The following RUNX2 variants were observed in gnomAD, a reference collection of about 807,000 sequenced individuals.
The protein encoded by RUNX2 is runt-related transcription factor 2.
Under a neutral mutation model 51.7 loss-of-function variants are expected in RUNX2, and 10 were observed. That is an observed-to-expected ratio of 0.19 (90% CI 0.12 to 0.33). RUNX2 has a LOEUF of 0.33. RUNX2 is among the 10% of genes least tolerant of loss of function. The pLI is 1.00. For missense variants in RUNX2, 562 were observed against 691.3 expected, an observed-to-expected ratio of 0.81 and a Z score of 2.10; for synonymous variants, 276 against 273.6, an observed-to-expected ratio of 1.01 and a Z score of -0.09.
chr6:45,422,833 G>C lies in RUNX2; in HGVS notation c.299G>C (p.Arg100Pro). The C allele has an allele frequency of 6.2e-7, 1 of 1,608,042 alleles. No individual in the cohort carries two copies. The highest frequency in any genetic ancestry group is 8.5e-7 in the Non-Finnish European group (1 of 1,178,464). ...VPRLRPPHDN[R>P]TMVEIIADHP... The stretch of plus-strand genomic sequence containing the variant: ...CGGTTGCGGCCGCCCCACGACAACC[G>C]CACCATGGTGGAGATCATCGCCGAC... Residue 100 changes from arginine (R) to proline (P), a missense_variant, in exon 3 of 9, where the codon CGC becomes CCC. Transcript: ENST00000647337.
chr6:45,433,413 G>A (rs1798597601), intron 4 of RUNX2, among the ~76,000 whole-genome samples: 3 of 151,610 alleles, frequency 2.0e-5, no homozygotes, highest in Admixed American at 1.3e-4. Flanking sequence ...TTTTTTTCTA[G>A]TTAGAATCAA....
chr6:45,387,779 T>G (rs1362380667), intron 2 of RUNX2, among the ~76,000 whole-genome samples: 1 of 152,158 alleles, frequency 6.6e-6, no homozygotes, highest in Admixed American at 6.5e-5. Flanking sequence ...CTTAGTGGTG[T>G]CACAGAAACC....
intron 2 of RUNX2, among the ~76,000 whole-genome samples, chr6:45,417,139 T>C (rs1351067708): frequency 6.6e-6 from 1 of 152,260 alleles, no homozygotes; most frequent in Non-Finnish European, 1.5e-5. Context: ...CTGAAAACTG[T>C]ATATAGGTCT....
At chr6:45,346,278 T>G (rs1367573271) in intron 2 of RUNX2, among the ~76,000 whole-genome samples, 4 of 152,022 alleles carry the variant, frequency 2.6e-5, no homozygotes, top group Non-Finnish European at 4.4e-5. Context: ...AATTGCAAAA[T>G]CCATTGTTCA....
chr6:45,408,366 T>C (rs1047351917), intron 2 of RUNX2, among the ~76,000 whole-genome samples: 4 of 151,986 alleles, frequency 2.6e-5, no homozygotes, highest in Non-Finnish European at 5.9e-5. Context: ...ATATCACTTT[T>C]AGGAAGGAGT....
intron 5 of RUNX2, among the ~76,000 whole-genome samples, chr6:45,452,471 A>T (rs1230092002): frequency 1.3e-5 from 2 of 152,194 alleles, no homozygotes; most frequent in Non-Finnish European, 2.9e-5. Flanking sequence ...TTCAGGGTTA[A>T]CTTTTCTTGG....
At chr6:45,414,280 C>T (rs1190301331) in intron 2 of RUNX2, among the ~76,000 whole-genome samples, 1 of 152,088 alleles carries the variant, frequency 6.6e-6, no homozygotes, top group African/African-American at 2.4e-5. Context: ...GTACCAAGGC[C>T]CTCTTTGGCT....
intron 2 of RUNX2, among the ~76,000 whole-genome samples, chr6:45,349,124 G>A (rs990822864): frequency 6.6e-6 from 1 of 152,104 alleles, no homozygotes; most frequent in Non-Finnish European, 1.5e-5. Context: ...TACAAATGGG[G>A]TATTTAAATT....
chr6:45,546,926 C>A lies in RUNX2; in HGVS notation c.1187C>A (p.Ala396Asp). ...TCCAACCCACGAATGCACTATCCAGCCACCTTTACTTACACCCCGCCAGTC... is the reference window on the plus strand; with the variant it reads ...TCCAACCCACGAATGCACTATCCAGACACCTTTACTTACACCCCGCCAGTC... ...RFSNPRMHYPATFTYTPPVTS... is the reference protein window; with the variant it reads ...RFSNPRMHYPDTFTYTPPVTS... The change falls in exon 9 of 9, where the codon GCC (alanine) becomes GAC (aspartate). Residue 396 changes from alanine (A) to aspartate (D), a missense_variant. By Grantham distance (126) the Ala-to-Asp change is moderately radical. This residue lies in a region of RUNX2 where 304 missense variants were observed against 353.2 expected (regional missense o/e 0.86). Coordinates refer to ENST00000647337, the MANE Select transcript of RUNX2 (RefSeq NM_001024630.4). The A allele has an allele frequency of 6.2e-7, 1 of 1,614,034 alleles. No homozygotes were observed. The highest frequency in any genetic ancestry group is 8.5e-7 in the Non-Finnish European group (1 of 1,179,998).
chr6:45,437,563 C>T (rs1321475040), intron 4 of RUNX2, among the ~76,000 whole-genome samples: 2 of 152,254 alleles, frequency 1.3e-5, no homozygotes, highest in South Asian at 4.2e-4. Context: ...GGTCATGACC[C>T]AACCCTAAAT....
intron 2 of RUNX2, among the ~76,000 whole-genome samples, chr6:45,357,135 T>C (rs998527337): frequency 6.6e-6 from 1 of 151,848 alleles, no homozygotes; most frequent in African/African-American, 2.4e-5. Context: ...GCCTCCAGAG[T>C]AGCTGGGACT....
At chr6:45,402,765 T>C (rs964493624) in intron 2 of RUNX2, among the ~76,000 whole-genome samples, 2 of 151,922 alleles carry the variant, frequency 1.3e-5, no homozygotes, top group African/African-American at 2.4e-5. Context: ...CCAGCAACTT[T>C]GGAGGCTGAG....
chr6:45,385,405 T>C (rs1262951322), intron 2 of RUNX2, among the ~76,000 whole-genome samples: 1 of 152,192 alleles, frequency 6.6e-6, no homozygotes, highest in Non-Finnish European at 1.5e-5. Context: ...CTAGTGAGGT[T>C]CATGGATGAG....
chr6:45,378,173 G>C (rs1276563673), intron 2 of RUNX2, among the ~76,000 whole-genome samples: 1 of 152,236 alleles, frequency 6.6e-6, no homozygotes, highest in Non-Finnish European at 1.5e-5. Context: ...TGAGCCACGC[G>C]GCGGCGTTTA....
chr6:45,514,148 T>C (rs759214452), intron 7 of RUNX2, among the ~76,000 whole-genome samples: 8 of 152,186 alleles, frequency 5.3e-5, no homozygotes, highest in Admixed American at 2.0e-4. Context: ...GGAGTGATGG[T>C]AGCATTAGAG....
At chr6:45,406,851 A>G (rs992351517) in intron 2 of RUNX2, among the ~76,000 whole-genome samples, 4 of 152,210 alleles carry the variant, frequency 2.6e-5, no homozygotes, top group African/African-American at 9.7e-5. Flanking sequence ...ACCCAGTACT[A>G]GGAAATATAT....
chr6:45,459,905 G>A (rs1396500742), intron 5 of RUNX2, among the ~76,000 whole-genome samples: 1 of 152,162 alleles, frequency 6.6e-6, no homozygotes, highest in Non-Finnish European at 1.5e-5. Context: ...TATCTAGGTA[G>A]CAGAATGTCA....
chr6:45,352,471 C>T (rs1232134496), intron 2 of RUNX2, among the ~76,000 whole-genome samples: 1 of 152,062 alleles, frequency 6.6e-6, no homozygotes, highest in Non-Finnish European at 1.5e-5. Flanking sequence ...TGAAACATTG[C>T]TGGAGTCTGG....
At chr6:45,485,696 T>TATATATATATATATATATAC (rs1563107089) in intron 5 of RUNX2, among the ~76,000 whole-genome samples, 1 of 113,914 alleles carries the variant, frequency 8.8e-6, no homozygotes, top group Non-Finnish European at 1.9e-5. Context: ...TGTGTGTGTG[T>TATATATATATATATATATAC]GTATATATAT....
Sources: allele counts gnomAD v4.1 joint callset (sites outside exome capture counted in the v4.1 genomes callset), GRCh38; gene constraint gnomAD v4.1.1; regional missense constraint gnomAD v4.1.1; transcripts MANE v1.5; gene names NCBI Gene and HGNC (gene_info 2026-07-23, HGNC 2026-07-21).